The following CNBD1 variants were observed in gnomAD, a reference collection of about 807,000 sequenced individuals.
CNBD1 encodes the protein cyclic nucleotide binding domain containing 1.
CNBD1 carries 71 observed loss-of-function variants against 54.4 expected under a neutral mutation model. That is an observed-to-expected ratio of 1.30 (90% CI 1.08 to 1.59). CNBD1 has a LOEUF of 1.59. CNBD1 is among the 40% of genes most tolerant of loss of function. The pLI, the probability that CNBD1 is intolerant of heterozygous loss-of-function variation, is 0.00. For synonymous variants in CNBD1, 182 were observed against 170.7 expected (o/e 1.07, Z -0.51); for missense variants, 659 against 518.0 (o/e 1.27, Z -2.64).
intron 4 of CNBD1, among the ~76,000 whole-genome samples, chr8:86,967,209 A>T (rs1808101322): frequency 6.6e-6 from 1 of 152,162 alleles, no homozygotes; most frequent in Non-Finnish European, 1.5e-5. Flanking sequence ...TTCCAAGGGT[A>T]TAAGCTGCAG....
chr8:86,916,871 C>CTT (rs748549695), intron 3 of CNBD1, among the ~76,000 whole-genome samples: 10 of 134,614 alleles, frequency 7.4e-5, no homozygotes, highest in South Asian at 2.4e-4. Context: ...GCCCAGCTAA[C>CTT]TTTTTTTTTT....
intron 4 of CNBD1, among the ~76,000 whole-genome samples, chr8:87,128,605 C>T (rs1586275391): frequency 6.6e-6 from 1 of 152,058 alleles, no homozygotes; most frequent in Non-Finnish European, 1.5e-5. Flanking sequence ...TTGACAAATA[C>T]CTTTTCTGTT....
intron 2 of CNBD1, among the ~76,000 whole-genome samples, chr8:87,398,143 G>C (rs1430253326): frequency 6.6e-6 from 1 of 150,914 alleles, no homozygotes; most frequent in Non-Finnish European, 1.5e-5. Context: ...GATTATACCT[G>C]TGTTGTCAGC....
intron 2 of CNBD1, among the ~76,000 whole-genome samples, chr8:86,900,603 T>C (rs568726220): frequency 7.2e-5 from 11 of 152,264 alleles, no homozygotes; most frequent in African/African-American, 2.6e-4. Flanking sequence ...CTATAAACAG[T>C]GGGCCTGAAG....
At position 87,317,878 on chromosome 8, in the gene CNBD1, T is replaced by C. The variant is rs187317740; in HGVS notation, c.1042+31207T>C. ...GTTTCACTGTTTCTCTGTTCTAATA[T>C]GTATGTGTATATACTTGATTTTTTT... is the stretch of plus-strand genomic sequence containing the variant. On this transcript the variant is annotated intron_variant, in intron 8 of 10. Transcript: ENST00000518476. Among the ~76,000 whole-genome samples the C allele has an allele frequency of 5.3e-3, 694 of 130,330 alleles. 2 individuals are homozygous for C. The highest frequency in any genetic ancestry group is 0.017 in the Middle Eastern group (4 of 240). 85.5% of individuals were successfully genotyped at this position (130,330 alleles called of 152,430 possible). A position where few individuals can be genotyped will look rare whatever the true frequency, so the allele number is the denominator to read the frequency against.
At chr8:86,871,438 A>G (rs1475175157) in intron 1 of CNBD1, among the ~76,000 whole-genome samples, 6 of 152,178 alleles carry the variant, frequency 3.9e-5, no homozygotes, top group African/African-American at 7.2e-5. Flanking sequence ...GGACGATTAA[A>G]CTTTTTGATA....
chr8:87,012,504 G>T (rs1809244807), intron 4 of CNBD1, among the ~76,000 whole-genome samples: 1 of 152,088 alleles, frequency 6.6e-6, no homozygotes, highest in Non-Finnish European at 1.5e-5. Flanking sequence ...AAAGTCTCTG[G>T]TGGGAAGAAT....
At chr8:87,368,070 G>T (rs376891905) in intron 10 of CNBD1, among the ~76,000 whole-genome samples, 1 of 151,970 alleles carries the variant, frequency 6.6e-6, no homozygotes, top group South Asian at 2.1e-4. Context: ...GCTGAGGCAG[G>T]AGAATTGCTT....
intron 4 of CNBD1, among the ~76,000 whole-genome samples, chr8:87,039,764 C>A (rs1183379507): frequency 6.6e-6 from 1 of 152,096 alleles, no homozygotes; most frequent in South Asian, 2.1e-4. Context: ...TGGATAGGGG[C>A]CAGTGAACTG....
chr8:86,964,449 T>C (rs542640057), intron 4 of CNBD1, among the ~76,000 whole-genome samples: 6 of 152,352 alleles, frequency 3.9e-5, no homozygotes, highest in African/African-American at 1.4e-4. Context: ...GTGGCCTGCT[T>C]TTCAGCAGTG....
intron 2 of CNBD1, among the ~76,000 whole-genome samples, chr8:87,416,261 C>G (rs535825249): frequency 6.6e-6 from 1 of 151,898 alleles, no homozygotes; most frequent in Non-Finnish European, 1.5e-5. Flanking sequence ...AGAAAGCTAC[C>G]ATCAGCAAAA....
chr8:87,317,368 A>G lies in CNBD1; in HGVS notation c.1042+30697A>G, dbSNP rs1809411375. ...TTTTGATGTATACACACATTTTAAT[A>G]TATTATCTTTTTGTTTTCATCTCAC... is the stretch of plus-strand genomic sequence containing the variant. On this transcript the variant is annotated intron_variant, in intron 8 of 10. Coordinates refer to ENST00000518476, the MANE Select transcript of CNBD1 (RefSeq NM_173538.3). 3.3e-5 allele frequency among the ~76,000 whole-genome samples: 5 copies of G among 151,618 alleles called. No individual in the cohort carries two copies. The South Asian group carries it at 1.0e-3, about 31-fold the overall frequency.
At chr8:86,978,534 C>CTTTTTTT (rs71277907) in intron 4 of CNBD1, among the ~76,000 whole-genome samples, 33 of 66,718 alleles carry the variant, frequency 4.9e-4, no homozygotes, top group Admixed American at 8.6e-4. Flanking sequence ...ATGCTTTTAT[C>CTTTTTTT]TTTTTTTTTT....
At chr8:86,923,175 G>A (rs1809302971) in intron 3 of CNBD1, among the ~76,000 whole-genome samples, 1 of 152,180 alleles carries the variant, frequency 6.6e-6, no homozygotes, top group Non-Finnish European at 1.5e-5. Context: ...GTGGACCCGA[G>A]CAGGCGGCTC....
At chr8:86,910,434 A>C (rs1809083607) in intron 3 of CNBD1, among the ~76,000 whole-genome samples, 1 of 151,714 alleles carries the variant, frequency 6.6e-6, no homozygotes, top group South Asian at 2.1e-4. Context: ...AATAATCCTG[A>C]AAAAGGATTG....
chr8:87,014,727 T>G (rs970169275), intron 4 of CNBD1, among the ~76,000 whole-genome samples: 2 of 152,008 alleles, frequency 1.3e-5, no homozygotes, highest in African/African-American at 4.8e-5. Flanking sequence ...TTTTTTAACA[T>G]TCTTATTAGA....
intron 4 of CNBD1, among the ~76,000 whole-genome samples, chr8:86,989,701 T>G (rs1808698478): frequency 6.6e-6 from 1 of 152,172 alleles, no homozygotes; most frequent in African/African-American, 2.4e-5. Flanking sequence ...TCCACCCACC[T>G]CGGCCTCCCA....
At chr8:86,921,970 C>T (rs1047221779) in intron 3 of CNBD1, among the ~76,000 whole-genome samples, 1 of 151,888 alleles carries the variant, frequency 6.6e-6, no homozygotes, top group Non-Finnish European at 1.5e-5. Context: ...GACTTCAGGG[C>T]AGGGGTAGTT....
At chr8:87,239,001 C>T (rs986431955) in intron 6 of CNBD1, among the ~76,000 whole-genome samples, 1 of 152,068 alleles carries the variant, frequency 6.6e-6, no homozygotes, top group Non-Finnish European at 1.5e-5. Context: ...TACCTAATGC[C>T]TGCTTAACAT....
Sources: gnomAD v4.1 joint callset for allele counts (sites outside exome capture counted in the v4.1 genomes callset) on GRCh38, gnomAD v4.1.1 for gene constraint, MANE v1.5 for transcripts, NCBI Gene and HGNC (gene_info 2026-07-23, HGNC 2026-07-21) for gene names.